Variants in PTPRO observed in about 807,000 individuals in gnomAD.
PTPRO encodes protein tyrosine phosphatase receptor type O, also known as receptor-type tyrosine-protein phosphatase O.
A neutral mutation model predicts 145.2 loss-of-function variants in PTPRO; 62 were observed. The ratio of observed to expected loss-of-function variants is 0.43; its 90% CI spans 0.35 to 0.53. The LOEUF (loss-of-function observed/expected upper bound fraction) is 0.53, where lower values mean the gene tolerates loss of function less well. PTPRO is among the 20% of genes least tolerant of loss of function. PTPRO has a pLI of 0.01. For synonymous variants in PTPRO, 565 were observed against 514.7 expected, an observed-to-expected ratio of 1.10 and a Z score of -1.32; for missense variants, 1,345 against 1,482.7, an observed-to-expected ratio of 0.91 and a Z score of 1.53.
chr12:15,398,427 C>T (rs1939401963), intron 1 of PTPRO, among the ~76,000 whole-genome samples: 1 of 150,764 alleles, frequency 6.6e-6, no homozygotes, highest in African/African-American at 2.4e-5. Context: ...AGAAAACAGA[C>T]GTGTTCCAAT....
intron 9 of PTPRO, among the ~76,000 whole-genome samples, chr12:15,518,498 G>A (rs1942646657): frequency 6.6e-6 from 1 of 152,164 alleles, no homozygotes; most frequent in Admixed American, 6.5e-5. Context: ...AATTTCTGCA[G>A]CCAACTTGAA....
chr12:15,387,537 GTCC>G (rs1166159603), intron 1 of PTPRO, among the ~76,000 whole-genome samples: 1 of 152,086 alleles, frequency 6.6e-6, no homozygotes, highest in African/African-American at 2.4e-5. Flanking sequence ...CCTCAGTGAA[GTCC>G]TCCTTGATGT....
At chr12:15,385,077 C>A (rs1194940728) in intron 1 of PTPRO, among the ~76,000 whole-genome samples, 1 of 152,068 alleles carries the variant, frequency 6.6e-6, no homozygotes, top group Non-Finnish European at 1.5e-5. Flanking sequence ...TTATTTTTAC[C>A]AGAAAATTTA....
chr12:15,548,469 C>T (rs574070405), intron 13 of PTPRO, among the ~76,000 whole-genome samples: 3 of 151,562 alleles, frequency 2.0e-5, no homozygotes, highest in Non-Finnish European at 2.9e-5. Context: ...TATGTGTGTA[C>T]GTTCACACAT....
chr12:15,384,114 A>C (rs982705566), intron 1 of PTPRO, among the ~76,000 whole-genome samples: 1 of 152,114 alleles, frequency 6.6e-6, no homozygotes, highest in Non-Finnish European at 1.5e-5. Context: ...AAGGCATGTA[A>C]GACTTCCCTT....
chr12:15,563,788 T>C (rs7953292), intron 17 of PTPRO, among the ~76,000 whole-genome samples: 8,764 of 152,176 alleles, frequency 0.058, 775 homozygotes, highest in African/African-American at 0.19. Context: ...TCCTAGTTTC[T>C]TTTAAAGCCT....
chr12:15,466,324 T>C (rs1171516097), intron 1 of PTPRO, among the ~76,000 whole-genome samples: 1 of 152,204 alleles, frequency 6.6e-6, no homozygotes. Flanking sequence ...ATCATTCTGA[T>C]TCAGTTATGT....
intron 11 of PTPRO, 101 bp from the exon 12 acceptor site, chr12:15,526,041 A>C (rs1942830363): frequency 7.1e-7 from 1 of 1,415,838 alleles, no homozygotes; most frequent in South Asian, 1.2e-5. Context: ...TGCTGCATAG[A>C]ACAGAGAGGG....
intron 22 of PTPRO, 45 bp downstream of exon 22, chr12:15,580,876 C>T (rs773731940): frequency 6.2e-7 from 1 of 1,609,630 alleles, no homozygotes; most frequent in Admixed American, 1.7e-5. Context: ...CAAAACCTGC[C>T]CTAGCCACTG....
intron 1 of PTPRO, among the ~76,000 whole-genome samples, chr12:15,378,404 T>A (rs1938754040): frequency 6.6e-6 from 1 of 151,950 alleles, no homozygotes; most frequent in Admixed American, 6.6e-5. Context: ...TATAAGAAAA[T>A]ACACTATTAA....
chr12:15,521,639 A>G (rs1942723809), intron 10 of PTPRO, among the ~76,000 whole-genome samples: 1 of 152,094 alleles, frequency 6.6e-6, no homozygotes, highest in African/African-American at 2.4e-5. Context: ...CTGGGCTTCT[A>G]TTTTCTCACC....
intron 1 of PTPRO, among the ~76,000 whole-genome samples, chr12:15,427,376 A>G (rs1940313137): frequency 6.6e-6 from 1 of 151,988 alleles, no homozygotes; most frequent in Non-Finnish European, 1.5e-5. Flanking sequence ...TGAGATTGCA[A>G]ATTCCAATAA....
intron 7 of PTPRO, among the ~76,000 whole-genome samples, chr12:15,513,736 T>C (rs149429655): frequency 6.6e-6 from 1 of 152,320 alleles, no homozygotes; most frequent in East Asian, 1.9e-4. Flanking sequence ...TCCACAATTT[T>C]ATGTATCCAA....
intron 1 of PTPRO, among the ~76,000 whole-genome samples, chr12:15,418,581 AT>A (rs1348496254): frequency 6.6e-6 from 1 of 151,794 alleles, no homozygotes; most frequent in African/African-American, 2.4e-5. Flanking sequence ...TTAATCTAGA[AT>A]TTGAAGGAAA....
At chr12:15,438,401 C>T (rs1025440771) in intron 1 of PTPRO, among the ~76,000 whole-genome samples, 3 of 151,856 alleles carry the variant, frequency 2.0e-5, no homozygotes, top group East Asian at 1.9e-4. Flanking sequence ...AAATTCAAAG[C>T]GTGGATTGCA....
intron 1 of PTPRO, among the ~76,000 whole-genome samples, chr12:15,339,228 C>T (rs1866884482): frequency 6.6e-6 from 1 of 151,974 alleles, no homozygotes; most frequent in Non-Finnish European, 1.5e-5. Flanking sequence ...AAACATTTCA[C>T]ATTGGAGAAA....
intron 1 of PTPRO, among the ~76,000 whole-genome samples, chr12:15,368,561 T>C (rs1412797542): frequency 6.6e-6 from 1 of 152,120 alleles, no homozygotes; most frequent in Non-Finnish European, 1.5e-5. Flanking sequence ...ACATTCACAG[T>C]CCCAAGTAGA....
In PTPRO at chr12:15,520,295, C is replaced by T. The variant is rs374559447; in HGVS notation, c.1874C>T (p.Thr625Ile). Residue 625 changes from threonine (T) to isoleucine (I), a missense_variant, in exon 10 of 27, where the codon ACC (threonine) becomes ATC (isoleucine). Physicochemically the swap from Thr to Ile is moderately conservative, Grantham distance 89 (BLOSUM62 -1). Transcript: ENST00000281171. ...GAATTGAGCTGCTGTGACAGCTCTA[C>T]CATCAGCTTCATAACAGGTGAGGCA... Reference protein sequence around the residue: ...DPELSCCDSSTISFITAPVAP... With the variant: ...DPELSCCDSSIISFITAPVAP... 4.2e-5 allele frequency: 67 copies of T among 1,611,252 alleles called. No individual in the cohort carries two copies. The highest frequency in any genetic ancestry group is 5.5e-5 in the Non-Finnish European group (65 of 1,177,700).
intron 7 of PTPRO, 102 bp downstream of exon 7, chr12:15,508,869 C>A: frequency 8.4e-7 from 1 of 1,194,206 alleles, no homozygotes; most frequent in Non-Finnish European, 1.2e-6. Flanking sequence ...CTGAGGTCTG[C>A]TGGGATGGGT....
Sources: gnomAD v4.1 joint callset for allele counts (sites outside exome capture counted in the v4.1 genomes callset) on GRCh38, gnomAD v4.1.1 for gene constraint, MANE v1.5 for transcripts, NCBI Gene and HGNC (gene_info 2026-07-23, HGNC 2026-07-21) for gene names.